Variants in TENM3 observed in about 807,000 individuals in gnomAD.
TENM3 encodes the protein teneurin-3.
TENM3 carries 63 observed loss-of-function variants against 255.1 expected under a neutral mutation model. That is an observed-to-expected ratio of 0.25 (90% CI 0.20 to 0.30). TENM3 has a LOEUF of 0.30. Among genes scored for constraint, TENM3 ranks in the 10% least tolerant of loss-of-function variants. The probability of loss-of-function intolerance (pLI) is 1.00; values close to 1 mark genes in which losing one functional copy is unlikely to be tolerated. For missense variants in TENM3, 2,929 were observed against 3,461.1 expected (o/e 0.85, Z 3.86); for synonymous variants, 1,306 against 1,322.3 (o/e 0.99, Z 0.27).
chr4:182,730,209 T>G lies in TENM3; in HGVS notation c.2595T>G (p.Ser865=). The change falls in exon 15 of 28, where the codon TCT becomes TCG. Residue 865 remains serine, a synonymous_variant. Transcript: ENST00000511685. ...GESPFNKSLA[S]VIRGQVLTAD... Reference sequence around the variant, plus strand: ...TCTGCTTTTCCAACAGCCTTGCATCTGTCATCAGAGGCCAAGTACTGACTG... The same window carrying G: ...TCTGCTTTTCCAACAGCCTTGCATCGGTCATCAGAGGCCAAGTACTGACTG... The G allele has an allele frequency of 1.9e-6, 3 of 1,613,822 alleles. No homozygotes were observed. The highest frequency in any genetic ancestry group is 2.5e-6 in the Non-Finnish European group (3 of 1,179,786).
intron 3 of TENM3, among the ~76,000 whole-genome samples, chr4:182,566,724 C>T (rs956293640): frequency 2.0e-5 from 3 of 152,156 alleles, no homozygotes; most frequent in Admixed American, 6.5e-5. Flanking sequence ...AAGATGCACA[C>T]CTGTTTGGAA....
At chr4:182,630,442 G>A (rs1028625240) in intron 5 of TENM3, among the ~76,000 whole-genome samples, 1 of 151,480 alleles carries the variant, frequency 6.6e-6, no homozygotes, top group African/African-American at 2.4e-5. Flanking sequence ...GTTCTGAAAG[G>A]GACCAGTCAT....
At chr4:181,674,667 G>A in the TENM3 span, among the ~76,000 whole-genome samples, 1 of 152,146 alleles carries the variant, frequency 6.6e-6, no homozygotes, top group African/African-American at 2.4e-5. Context: ...ACGGACAGTT[G>A]AGGACACAGA....
the TENM3 span, among the ~76,000 whole-genome samples, chr4:181,811,401 AC>A: frequency 6.6e-6 from 1 of 152,176 alleles, no homozygotes; most frequent in African/African-American, 2.4e-5. Context: ...TCTTTCCAAC[AC>A]TGGTTCCAAC....
rs1447810473 is a variant in TENM3, at chr4:182,732,797, C to T, written c.2967+1658C>T. Among the ~76,000 whole-genome samples, 4 of 152,108 alleles carry T rather than the reference C, an allele frequency of 2.6e-5. 1 individual carries two copies. The South Asian group carries it at 8.3e-4, about 32-fold the overall frequency. ...AGCCATGAGTGCCACTGCACTCCAG[C>T]CTGGGTGCTGGGAGTGAGACCCTGT... On this transcript the variant is annotated intron_variant, in intron 16 of 27. Transcript: ENST00000511685.
chr4:181,452,051 G>A, the TENM3 span, among the ~76,000 whole-genome samples: 6 of 152,206 alleles, frequency 3.9e-5, no homozygotes, highest in Admixed American at 1.3e-4. Context: ...GAAGAAGAGG[G>A]CATTTCAATA....
the TENM3 span, among the ~76,000 whole-genome samples, chr4:181,828,412 T>G: frequency 6.6e-6 from 1 of 152,208 alleles, no homozygotes; most frequent in African/African-American, 2.4e-5. Context: ...TGCTTTACTG[T>G]TTACAAAGCC....
the TENM3 span, among the ~76,000 whole-genome samples, chr4:181,944,959 T>G: frequency 6.6e-6 from 1 of 152,206 alleles, no homozygotes; most frequent in Non-Finnish European, 1.5e-5. Flanking sequence ...GTCAGGTGAC[T>G]GAAACATGCT....
chr4:181,908,304 TGTCCTCA>T, the TENM3 span, among the ~76,000 whole-genome samples: 1 of 152,362 alleles, frequency 6.6e-6, no homozygotes, highest in South Asian at 2.1e-4. Context: ...GTAACCTTTC[TGTCCTCA>T]GTCTGGCAGC....
intron 9 of TENM3, 94 bp downstream of exon 9, chr4:182,680,443 G>GC (rs1327373189): frequency 1.4e-6 from 2 of 1,393,442 alleles, no homozygotes; most frequent in East Asian, 2.3e-5. Context: ...AGAAAGGGGG[G>GC]GGGAGACTGG....
intron 1 of TENM3, among the ~76,000 whole-genome samples, chr4:182,208,054 T>C (rs1304331190): frequency 6.6e-6 from 1 of 152,022 alleles, no homozygotes; most frequent in East Asian, 1.9e-4. Context: ...CAAAAGAGAG[T>C]TGGCCTTTCC....
Position 182,560,080 on chromosome 4 carries a change from GT to G in TENM3, c.512-40829del, listed in dbSNP as rs367823929. Among the ~76,000 whole-genome samples the G allele has an allele frequency of 7.5e-3, 1,029 of 137,532 alleles. 3 individuals carry two copies. Among genetic ancestry groups the G allele is most frequent in the African/African-American group, 0.016 (617 of 37,652 alleles). 90.2% of individuals were successfully genotyped at this position (137,532 alleles called of 152,430 possible). On this transcript the variant is annotated intron_variant, in intron 3 of 27. Transcript: ENST00000511685. ...TATAAAAATTAAAAATTAAAAAAAG[GT>G]TTTTTTTTTTTTTTAAAAAAAGAGT...
chr4:182,218,485 G>T (rs1345587894), intron 1 of TENM3, among the ~76,000 whole-genome samples: 3 of 152,114 alleles, frequency 2.0e-5, no homozygotes, highest in African/African-American at 7.2e-5. Context: ...CTGGTGAGTA[G>T]GGTCATCTTA....
At chr4:181,703,683 G>T in the TENM3 span, among the ~76,000 whole-genome samples, 1 of 152,162 alleles carries the variant, frequency 6.6e-6, no homozygotes, top group Non-Finnish European at 1.5e-5. Context: ...CACATTTCCT[G>T]TGTTGAGCAG....
chr4:181,780,664 G>T, the TENM3 span, among the ~76,000 whole-genome samples: 1 of 152,098 alleles, frequency 6.6e-6, no homozygotes, highest in Non-Finnish European at 1.5e-5. Flanking sequence ...GTCAATTTTG[G>T]CTTTTGTTGC....
chr4:182,749,924 T>C (rs1440760345), intron 19 of TENM3, among the ~76,000 whole-genome samples: 1 of 151,972 alleles, frequency 6.6e-6, no homozygotes, highest in Non-Finnish European at 1.5e-5. Flanking sequence ...TGCAACTCTG[T>C]CACCAATTAT....
At chr4:182,585,292 C>T (rs1284121103) in intron 3 of TENM3, among the ~76,000 whole-genome samples, 1 of 152,082 alleles carries the variant, frequency 6.6e-6, no homozygotes, top group Non-Finnish European at 1.5e-5. Context: ...GGACAGGGAG[C>T]TTAAACTGTC....
chr4:182,069,467 C>G, the TENM3 span, among the ~76,000 whole-genome samples: 1 of 152,046 alleles, frequency 6.6e-6, no homozygotes, highest in Non-Finnish European at 1.5e-5. Context: ...CCTTCTAGCC[C>G]CCTTCTACCA....
At chr4:181,958,029 A>G in the TENM3 span, among the ~76,000 whole-genome samples, 3 of 152,226 alleles carry the variant, frequency 2.0e-5, no homozygotes, top group Non-Finnish European at 4.4e-5. Flanking sequence ...AGAAATTAAA[A>G]ATTAACCTTC....
Sources: gnomAD v4.1 joint callset for allele counts (sites outside exome capture counted in the v4.1 genomes callset) on GRCh38, gnomAD v4.1.1 for gene constraint, MANE v1.5 for transcripts, NCBI Gene and HGNC (gene_info 2026-07-23, HGNC 2026-07-21) for gene names.